Variants in RNF6 observed in about 807,000 individuals in gnomAD.
The protein encoded by RNF6 is E3 ubiquitin-protein ligase RNF6.
In RNF6, 21 loss-of-function variants were observed where a neutral mutation model predicts 50.1. The observed-to-expected ratio is 0.42, with a 90% CI of 0.30 to 0.60. RNF6 has a LOEUF of 0.60. RNF6 is among the 20% of genes least tolerant of loss of function. The pLI is 0.20. For missense variants in RNF6, 698 were observed against 838.2 expected, an observed-to-expected ratio of 0.83 and a Z score of 2.07; for synonymous variants, 255 against 291.8, an observed-to-expected ratio of 0.87 and a Z score of 1.29.
chr13:26,204,496 C>CAAAAAAAA (rs71080239), intron 5 of RNF6, among the ~76,000 whole-genome samples: 15 of 68,692 alleles, frequency 2.2e-4, no homozygotes, highest in East Asian at 3.4e-4. Flanking sequence ...GACTCCACCT[C>CAAAAAAAA]AAAAAAAAAA....
chr13:26,215,976 T>C (rs1052363492), intron 4 of RNF6, among the ~76,000 whole-genome samples: 1 of 152,208 alleles, frequency 6.6e-6, no homozygotes, highest in African/African-American at 2.4e-5. Context: ...AGACAAACTT[T>C]ATGTAAAATT....
chr13:26,203,571 G>A (rs1868976974), intron 5 of RNF6, among the ~76,000 whole-genome samples: 1 of 152,346 alleles, frequency 6.6e-6, no homozygotes, highest in African/African-American at 2.4e-5. Context: ...GCTTCCCCCA[G>A]GCAGCTCCTA....
At chr13:26,174,123 CTT>C (rs1272608856) in intron 5 of RNF6, among the ~76,000 whole-genome samples, 2 of 152,262 alleles carry the variant, frequency 1.3e-5, no homozygotes, top group East Asian at 3.9e-4. Flanking sequence ...TGCTAGAACA[CTT>C]TTAAGCAGCA....
chr13:26,163,625 C>A (rs550414376), intron 5 of RNF6, among the ~76,000 whole-genome samples: 7 of 152,266 alleles, frequency 4.6e-5, no homozygotes, highest in Non-Finnish European at 7.4e-5. Flanking sequence ...AACTCTGGAA[C>A]CTGGGTTGCA....
At chr13:26,164,963 ATGAGCCGAATGT>A (rs904415961) in intron 5 of RNF6, among the ~76,000 whole-genome samples, 8 of 152,194 alleles carry the variant, frequency 5.3e-5, no homozygotes, top group Non-Finnish European at 1.0e-4. Flanking sequence ...ATAAGTGACA[ATGAGCCGAATGT>A]TAATCCCCAA....
At chr13:26,166,527 T>C (rs927175750) in intron 5 of RNF6, among the ~76,000 whole-genome samples, 3 of 152,176 alleles carry the variant, frequency 2.0e-5, no homozygotes, top group African/African-American at 7.2e-5. Flanking sequence ...AAAATCAGTA[T>C]ACAAAAATCC....
At chr13:26,169,136 G>A (rs1046139838) in intron 5 of RNF6, among the ~76,000 whole-genome samples, 3 of 152,140 alleles carry the variant, frequency 2.0e-5, no homozygotes, top group African/African-American at 7.2e-5. Context: ...TCAGGGATCT[G>A]TCACCCTGGC....
At chr13:26,134,955 T>C (rs1870576754) in intron 5 of RNF6, among the ~76,000 whole-genome samples, 2 of 152,180 alleles carry the variant, frequency 1.3e-5, no homozygotes, top group African/African-American at 4.8e-5. Context: ...TTTAATTAAG[T>C]TAAAGTTAAC....
chr13:26,157,606 G>A (rs1871995037), intron 5 of RNF6, among the ~76,000 whole-genome samples: 1 of 152,080 alleles, frequency 6.6e-6, no homozygotes, highest in Admixed American at 6.6e-5. Flanking sequence ...GGCAAAAAAA[G>A]CCAAACAAGT....
At chr13:26,136,782 T>C (rs1211150773) in intron 5 of RNF6, among the ~76,000 whole-genome samples, 1 of 152,130 alleles carries the variant, frequency 6.6e-6, no homozygotes, top group East Asian at 1.9e-4. Flanking sequence ...GCCAGTGATA[T>C]GATAAAGGAT....
chr13:26,209,715 A>G (rs1228908922), downstream of RNF6, among the ~76,000 whole-genome samples: 2 of 152,228 alleles, frequency 1.3e-5, no homozygotes, highest in Non-Finnish European at 2.9e-5. Context: ...CACATTTGGA[A>G]TTGCACAGAA....
chr13:26,214,732 A>G lies in RNF6; in HGVS notation c.1150T>C (p.Ser384Pro), dbSNP rs1869663915. ...CGTACAGCAGTTGAGGATCTGCTGG[A>G]TTCTTCTCCTTCTTCTACTGTTATT... ...SRITVEEGEESSRSSTAVRRH... is the reference protein window; with the variant it reads ...SRITVEEGEEPSRSSTAVRRH... The change falls in exon 5 of 5, where the codon TCC becomes CCC. Residue 384 changes from serine to proline, a missense_variant. Coordinates refer to ENST00000381588, the MANE Select transcript of RNF6 (RefSeq NM_005977.4). The G allele has an allele frequency of 3.1e-6, 5 of 1,614,134 alleles. No individual in the cohort carries two copies. Among genetic ancestry groups the G allele is most frequent in the Non-Finnish European group, 3.4e-6 (4 of 1,180,034 alleles).
rs1870602202 is a variant in RNF6, at chr13:26,222,304, C to G, written c.-403G>C. 6.6e-6 allele frequency: 1 copy of G among 152,342 alleles called. No homozygotes were observed. Among genetic ancestry groups the G allele is most frequent in the South Asian group, 2.1e-4 (1 of 4,834 alleles). The allele number at this position is 152,342 out of a possible 1,614,324, so 9.4% of individuals were successfully genotyped here. ...CGCTCCGCAGCCGGCCCGGAGCTCGCCCGTGCAACTGAAAACTGCGTCCGT... is the reference window on the plus strand; with the variant it reads ...CGCTCCGCAGCCGGCCCGGAGCTCGGCCGTGCAACTGAAAACTGCGTCCGT... On this transcript the variant is annotated 5_prime_UTR_variant, in exon 1 of 5. Coordinates refer to ENST00000381588, the MANE Select transcript of RNF6 (RefSeq NM_005977.4).
intron 5 of RNF6, among the ~76,000 whole-genome samples, chr13:26,141,946 A>T (rs577431577): frequency 6.6e-6 from 1 of 152,324 alleles, no homozygotes; most frequent in Non-Finnish European, 1.5e-5. Context: ...GACAACCTTC[A>T]TGATGGGATA....
At chr13:26,217,552 C>T (rs1870021303) in intron 4 of RNF6, among the ~76,000 whole-genome samples, 1 of 152,202 alleles carries the variant, frequency 6.6e-6, no homozygotes, top group African/African-American at 2.4e-5. Context: ...TTCCTACCAG[C>T]TAGAACCTAG....
intron 5 of RNF6, among the ~76,000 whole-genome samples, chr13:26,145,323 C>A (rs534966113): frequency 1.3e-5 from 2 of 152,210 alleles, no homozygotes; most frequent in East Asian, 3.9e-4. Context: ...GGAATCACCA[C>A]TTCTGCATCT....
intron 5 of RNF6, among the ~76,000 whole-genome samples, chr13:26,176,587 C>T (rs773248770): frequency 5.9e-5 from 9 of 152,134 alleles, no homozygotes; most frequent in South Asian, 2.1e-4. Context: ...GTATTCAAGT[C>T]GAGATGTTTA....
At chr13:26,193,320 G>A (rs1331751858) in intron 5 of RNF6, among the ~76,000 whole-genome samples, 1 of 152,128 alleles carries the variant, frequency 6.6e-6, no homozygotes, top group Non-Finnish European at 1.5e-5. Flanking sequence ...AAAAAATGAG[G>A]AGCCAGGAGA....
chr13:26,181,178 C>T (rs1016521403), intron 5 of RNF6, among the ~76,000 whole-genome samples: 1 of 152,158 alleles, frequency 6.6e-6, no homozygotes, highest in African/African-American at 2.4e-5. Flanking sequence ...CCCCTGTGCA[C>T]CCAGGAAAAG....
Sources: allele counts gnomAD v4.1 joint callset (sites outside exome capture counted in the v4.1 genomes callset), GRCh38; gene constraint gnomAD v4.1.1; transcripts MANE v1.5; gene names NCBI Gene and HGNC (gene_info 2026-07-23, HGNC 2026-07-21).